The following LRFN2 variants were observed in gnomAD, a reference collection of about 807,000 sequenced individuals.
LRFN2 encodes leucine-rich repeat and fibronectin type-III domain-containing protein 2.
In LRFN2, 18 loss-of-function variants were observed where a neutral mutation model predicts 37.3. The observed-to-expected ratio is 0.48, with a 90% CI of 0.33 to 0.72. The LOEUF is 0.72. Among genes scored for constraint, LRFN2 ranks in the 30% least tolerant of loss-of-function variants. The pLI, the probability that LRFN2 is intolerant of heterozygous loss-of-function variation, is 0.02. For missense variants in LRFN2, 1,006 were observed against 1,060.7 expected, an observed-to-expected ratio of 0.95 and a Z score of 0.72; for synonymous variants, 556 against 466.6, an observed-to-expected ratio of 1.19 and a Z score of -2.47.
intron 1 of LRFN2, among the ~76,000 whole-genome samples, chr6:40,547,370 G>A (rs1437222209): frequency 1.3e-5 from 2 of 152,162 alleles, no homozygotes; most frequent in Admixed American, 1.3e-4. Flanking sequence ...CTCCCAAAGT[G>A]CTGGGATTAT....
intron 2 of LRFN2, among the ~76,000 whole-genome samples, chr6:40,403,895 T>G (rs949345682): frequency 6.6e-6 from 1 of 152,186 alleles, no homozygotes; most frequent in Non-Finnish European, 1.5e-5. Flanking sequence ...CCTCACCTCT[T>G]GGGTTTTGTC....
intron 1 of LRFN2, among the ~76,000 whole-genome samples, chr6:40,577,820 AAAAT>A (rs1235659365): frequency 1.2e-4 from 17 of 141,792 alleles, no homozygotes; most frequent in Non-Finnish European, 2.1e-4. Context: ...AAAATTAAAA[AAAAT>A]AAAAATAAAT....
At chr6:40,468,345 C>T (rs929531867) in intron 1 of LRFN2, among the ~76,000 whole-genome samples, 1 of 152,088 alleles carries the variant, frequency 6.6e-6, no homozygotes, top group African/African-American at 2.4e-5. Context: ...GATCTGTGTC[C>T]AGCATGGGGT....
At chr6:40,401,221 CCT>C (rs1762733248) in intron 2 of LRFN2, among the ~76,000 whole-genome samples, 1 of 135,254 alleles carries the variant, frequency 7.4e-6, no homozygotes, top group South Asian at 2.3e-4. Context: ...CCACTCTCCC[CCT>C]CTCTCATGGC....
At position 40,391,631 on chromosome 6, in the gene LRFN2, A is replaced by T; in HGVS notation, c.*312T>A. 1 of 284,684 alleles carries T rather than the reference A, an allele frequency of 3.5e-6. No homozygotes were observed. The highest frequency in any genetic ancestry group is 6.5e-6 in the Non-Finnish European group (1 of 153,812). 17.6% of individuals were successfully genotyped at this position (284,684 alleles called of 1,614,324 possible). On this transcript the variant is annotated 3_prime_UTR_variant, in exon 3 of 3. Coordinates refer to ENST00000338305, the MANE Select transcript of LRFN2 (RefSeq NM_020737.3). ...AATTAAGAAATAAAAACAACACTAG[A>T]CCCATAAGCAATCCAAAGCCGCTTG...
At chr6:40,396,360 G>A (rs35680698) in intron 2 of LRFN2, among the ~76,000 whole-genome samples, 35,723 of 152,088 alleles carry the variant, frequency 0.23, 4,782 homozygotes, top group Non-Finnish European at 0.29. Context: ...GCTGCCTCTC[G>A]GACACTGCCC....
intron 1 of LRFN2, among the ~76,000 whole-genome samples, chr6:40,478,577 G>A (rs1164843619): frequency 6.6e-6 from 1 of 152,190 alleles, no homozygotes; most frequent in East Asian, 1.9e-4. Context: ...AGCAACTGGA[G>A]ATCCAAGGGT....
intron 1 of LRFN2, among the ~76,000 whole-genome samples, chr6:40,552,293 G>A (rs1161794261): frequency 1.3e-5 from 2 of 152,186 alleles, no homozygotes; most frequent in African/African-American, 2.4e-5. Context: ...ATCTTAATGT[G>A]CATACAAATC....
chr6:40,522,874 G>C (rs937050133), intron 1 of LRFN2, among the ~76,000 whole-genome samples: 1 of 152,228 alleles, frequency 6.6e-6, no homozygotes, highest in Non-Finnish European at 1.5e-5. Flanking sequence ...TCTGTCCTCT[G>C]TATGATGGGC....
intron 2 of LRFN2, among the ~76,000 whole-genome samples, chr6:40,394,933 C>A (rs1236192292): frequency 2.7e-5 from 4 of 149,186 alleles, no homozygotes; most frequent in African/African-American, 9.9e-5. Flanking sequence ...AACTGTGAGT[C>A]CATTTAAACT....
At chr6:40,514,621 T>C (rs1321349352) in intron 1 of LRFN2, among the ~76,000 whole-genome samples, 2 of 152,178 alleles carry the variant, frequency 1.3e-5, no homozygotes, top group Non-Finnish European at 2.9e-5. Context: ...AGCCATATGT[T>C]ACATGTGACT....
intron 1 of LRFN2, among the ~76,000 whole-genome samples, chr6:40,585,585 C>T (rs544709902): frequency 2.0e-4 from 30 of 152,170 alleles, no homozygotes; most frequent in Non-Finnish European, 4.0e-4. Flanking sequence ...GGCACAACCC[C>T]AAGACCTAGT....
At chr6:40,411,262 C>T (rs1762958638) in intron 2 of LRFN2, among the ~76,000 whole-genome samples, 1 of 152,218 alleles carries the variant, frequency 6.6e-6, no homozygotes, top group African/African-American at 2.4e-5. Context: ...GTCGTCCCTG[C>T]TCTGCTGGGG....
At chr6:40,418,110 C>T (rs566414157) in intron 2 of LRFN2, among the ~76,000 whole-genome samples, 3 of 152,298 alleles carry the variant, frequency 2.0e-5, no homozygotes, top group Non-Finnish European at 4.4e-5. Flanking sequence ...TAATCTAGCC[C>T]TGTCCAGTCT....
At chr6:40,505,816 T>C (rs1765517487) in intron 1 of LRFN2, among the ~76,000 whole-genome samples, 1 of 152,226 alleles carries the variant, frequency 6.6e-6, no homozygotes, top group South Asian at 2.1e-4. Context: ...GGGTCCCACC[T>C]GTGACTCCCC....
chr6:40,545,503 G>A (rs1766644157), intron 1 of LRFN2, among the ~76,000 whole-genome samples: 1 of 152,210 alleles, frequency 6.6e-6, no homozygotes, highest in Non-Finnish European at 1.5e-5. Context: ...TAAGCACTGG[G>A]CCAACCCCTG....
At chr6:40,436,513 T>A (rs1367696503) in intron 1 of LRFN2, among the ~76,000 whole-genome samples, 3 of 151,898 alleles carry the variant, frequency 2.0e-5, no homozygotes, top group African/African-American at 7.3e-5. Context: ...TTCATCTTCA[T>A]CAAGGGCACC....
rs547985341 is a variant in LRFN2, at chr6:40,399,592, C to A, written c.1401-6680G>T. 2.0e-3 allele frequency among the ~76,000 whole-genome samples: 305 copies of A among 151,508 alleles called. 6 individuals are homozygous for A. Among genetic ancestry groups the A allele is most frequent in the Non-Finnish European group, 4.0e-3 (273 of 67,796 alleles). ...AACTGGGCCTACAGGTGCACGCCAC[C>A]AAGCCTGGCTAATTTTTTGTATTTG... On this transcript the variant is annotated intron_variant, in intron 2 of 2. Coordinates refer to ENST00000338305, the MANE Select transcript of LRFN2 (RefSeq NM_020737.3).
intron 2 of LRFN2, among the ~76,000 whole-genome samples, chr6:40,426,224 C>A (rs1002221492): frequency 6.6e-6 from 1 of 152,222 alleles, no homozygotes; most frequent in African/African-American, 2.4e-5. Context: ...TAGATCCACA[C>A]ACGATGAGAG....
Sources: gnomAD v4.1 joint callset for allele counts (sites outside exome capture counted in the v4.1 genomes callset) on GRCh38, gnomAD v4.1.1 for gene constraint, MANE v1.5 for transcripts, NCBI Gene and HGNC (gene_info 2026-07-23, HGNC 2026-07-21) for gene names.